OXGR1: variants seen among roughly 807,000 people sequenced by gnomAD.
OXGR1 encodes 2-oxoglutarate receptor 1.
Under a neutral mutation model 10.0 loss-of-function variants are expected in OXGR1, and 10 were observed. The observed-to-expected ratio is 1.00, with a 90% CI of 0.62 to 1.70. OXGR1 has a LOEUF of 1.70. Among genes scored for constraint, OXGR1 ranks in the 40% most tolerant of loss-of-function variants. The pLI, the probability that OXGR1 is intolerant of heterozygous loss-of-function variation, is 0.00. For synonymous variants in OXGR1, 191 were observed against 155.9 expected (o/e 1.22, Z -1.68); for missense variants, 398 against 407.6 (o/e 0.98, Z 0.20).
chr13:96,994,160 G>A (rs1215181665), intron 1 of OXGR1, 138 bp downstream of exon 1: 1 of 152,380 alleles, frequency 6.6e-6, no homozygotes, highest in Admixed American at 6.5e-5. Flanking sequence ...GTCCGACCCT[G>A]CCTGCTGCAG....
At chr13:96,990,131 C>G (rs1881980273) in intron 2 of OXGR1, among the ~76,000 whole-genome samples, 1 of 152,180 alleles carries the variant, frequency 6.6e-6, no homozygotes, top group Non-Finnish European at 1.5e-5. Flanking sequence ...TCAGGGACTG[C>G]TGACCAGTGA....
chr13:96,993,646 C>T (rs1180088343), intron 1 of OXGR1, among the ~76,000 whole-genome samples: 2 of 152,192 alleles, frequency 1.3e-5, no homozygotes, highest in Non-Finnish European at 2.9e-5. Flanking sequence ...AATACAACTT[C>T]TGAGAGCTCG....
In OXGR1 at chr13:96,987,000, A is replaced by C. The variant is rs1311781342; in HGVS notation, c.760T>G (p.Phe254Val). Residue 254 changes from phenylalanine to valine, a missense_variant, in exon 4 of 4, where the codon TTT becomes GTT. Phe to Val is a conservative substitution (Grantham distance 50). Transcript: ENST00000541038. ...ILLLLAFYVC[F>V]LPFHILRVIR... ...ACCCTCAAGATATGGAAGGGTAAAA[A>C]ACATACGTAAAATGCAAGGAGTAGC... is the stretch of plus-strand genomic sequence containing the variant. The C allele has an allele frequency of 1.2e-6, 2 of 1,614,202 alleles. No homozygotes were observed. Among genetic ancestry groups the C allele is most frequent in the Non-Finnish European group, 1.7e-6 (2 of 1,180,046 alleles).
chr13:96,990,910 C>T (rs923014970), intron 2 of OXGR1, among the ~76,000 whole-genome samples: 2 of 128,716 alleles, frequency 1.6e-5, no homozygotes, highest in African/African-American at 3.0e-5. Flanking sequence ...GATTGAGCCA[C>T]TGTACTACAG....
intron 2 of OXGR1, among the ~76,000 whole-genome samples, chr13:96,990,258 C>T (rs1357381536): frequency 6.6e-6 from 1 of 152,126 alleles, no homozygotes; most frequent in Non-Finnish European, 1.5e-5. Context: ...ATGGTCACAG[C>T]CAAGGAGTCC....
rs1460785813 is a variant in OXGR1 at position 96,987,195 on chromosome 13, A to T, written c.565T>A (p.Ser189Thr). 1 of 1,614,182 alleles carries T rather than the reference A, an allele frequency of 6.2e-7. No homozygotes were observed. Among genetic ancestry groups the T allele is most frequent in the Admixed American group, 1.7e-5 (1 of 60,018 alleles). ...NRSACLDLTS[S>T]DELNTIKWYN... ...CACTTAATAGTATTGAGTTCATCCGAACTGGTGAGGTCGAGACAGGCTGAT... is the reference window on the plus strand; with the variant it reads ...CACTTAATAGTATTGAGTTCATCCGTACTGGTGAGGTCGAGACAGGCTGAT... The change falls in exon 4 of 4, where the codon TCG becomes ACG. Residue 189 changes from serine (S) to threonine (T), a missense_variant. Physicochemically the swap from Ser to Thr is moderately conservative, Grantham distance 58 (BLOSUM62 1). Transcript: ENST00000541038.
rs1451607941 is a variant in OXGR1, at chr13:96,986,008, G to T, written c.*738C>A. 6.6e-6 allele frequency: 1 copy of T among 152,170 alleles called. No individual in the cohort carries two copies. Among genetic ancestry groups the T allele is most frequent in the Non-Finnish European group, 1.5e-5 (1 of 68,020 alleles). The allele number at this position is 152,170 out of a possible 1,614,324, so 9.4% of individuals were successfully genotyped here. A position where few individuals can be genotyped will look rare whatever the true frequency, so the allele number is the denominator to read the frequency against. ...CTGAAAGTGACTTCTGTCCTAGAAA[G>T]TTTCCCTTCCTTCCCCAGGACATGT... On this transcript the variant is annotated 3_prime_UTR_variant, in exon 4 of 4. Coordinates refer to ENST00000541038, the MANE Select transcript of OXGR1 (RefSeq NM_001346194.2).
chr13:96,994,072 C>T (rs1418259735), intron 1 of OXGR1, among the ~76,000 whole-genome samples: 1 of 152,176 alleles, frequency 6.6e-6, no homozygotes, highest in East Asian at 1.9e-4. Context: ...CTTTTTGTTC[C>T]CTAAAATGAA....
In OXGR1 at chr13:96,987,215, G is replaced by A. The variant is rs763743825; in HGVS notation, c.545C>T (p.Ala182Val). The change falls in exon 4 of 4, where the codon GCC becomes GTC. Residue 182 changes from alanine to valine, a missense_variant. Ala to Val is a moderately conservative substitution (Grantham distance 64). Coordinates refer to ENST00000541038, the MANE Select transcript of OXGR1 (RefSeq NM_001346194.2). ...ATCCGAACTGGTGAGGTCGAGACAG[G>A]CTGATCTGTTGGTCCTGTTGGTTGA... The part of the protein sequence containing the change: ...ITSTNRTNRS[A>V]CLDLTSSDEL... The A allele has an allele frequency of 2.5e-6, 4 of 1,614,184 alleles. No individual in the cohort carries two copies. In the Admixed American group the frequency reaches 5.0e-5, roughly 20 times the overall value.
At chr13:96,989,883 C>G (rs1881966572) in intron 2 of OXGR1, 74 bp from the exon 3 acceptor site, 1 of 152,174 alleles carries the variant, frequency 6.6e-6, no homozygotes, top group Non-Finnish European at 1.5e-5. Flanking sequence ...ATAAATCAAA[C>G]ACTGTAGAGT....
chr13:96,993,349 G>T (rs991067396), intron 1 of OXGR1, among the ~76,000 whole-genome samples: 6 of 152,058 alleles, frequency 3.9e-5, no homozygotes, highest in African/African-American at 1.4e-4. Flanking sequence ...CCTCGGAGTG[G>T]CTGGGATTAC....
intron 1 of OXGR1, among the ~76,000 whole-genome samples, chr13:96,993,370 C>T (rs974268331): frequency 3.9e-5 from 6 of 152,120 alleles, no homozygotes; most frequent in African/African-American, 7.2e-5. Flanking sequence ...AGGCCCGTTC[C>T]ACCACGTCTG....
At position 96,987,463 on chromosome 13, in the gene OXGR1, C is replaced by A. The variant is rs776046533; in HGVS notation, c.297G>T (p.Trp99Cys). 6.2e-7 allele frequency: 1 copy of A among 1,614,166 alleles called. No homozygotes were observed. Among genetic ancestry groups the A allele is most frequent in the South Asian group, 1.1e-5 (1 of 91,074 alleles). ...LIHYYASGENWIFGDFMCKFI... is the reference protein window; with the variant it reads ...LIHYYASGENCIFGDFMCKFI... ...ACTTACACATGAAATCTCCAAAGAT[C>A]CAGTTTTCGCCACTGGCATAGTAGT... is the stretch of plus-strand genomic sequence containing the variant. Residue 99 changes from tryptophan to cysteine, a missense_variant, in exon 4 of 4, where the codon TGG becomes TGT. Transcript: ENST00000541038.
In OXGR1 at chr13:96,987,317, C is replaced by A. The variant is rs773971892; in HGVS notation, c.443G>T (p.Arg148Leu). 1 of 1,614,062 alleles carries A rather than the reference C, an allele frequency of 6.2e-7. No individual in the cohort carries two copies. Among genetic ancestry groups the A allele is most frequent in the African/African-American group, 1.3e-5 (1 of 74,914 alleles). The change falls in exon 4 of 4, where the codon CGA (arginine) becomes CTA (leucine). Residue 148 changes from arginine to leucine, a missense_variant. Arg to Leu is a moderately radical substitution (Grantham distance 102, BLOSUM62 -2). Coordinates refer to ENST00000541038, the MANE Select transcript of OXGR1 (RefSeq NM_001346194.2). ...PMSCFSIHKT[R>L]CAVVACAVVW... ...CACAGCACAGGCTACAACTGCACAT[C>A]GAGTTTTGTGAATGGAAAAGCAGCT...
chr13:96,986,725 T>C lies in OXGR1; in HGVS notation c.*21A>G. The C allele has an allele frequency of 6.4e-7, 1 of 1,574,702 alleles. No individual in the cohort carries two copies. Among genetic ancestry groups the C allele is most frequent in the Non-Finnish European group, 8.6e-7 (1 of 1,164,090 alleles). The stretch of plus-strand genomic sequence containing the variant: ...TAAAGTATCAGCAAGTATTTGTTTT[T>C]GGTTAAGTAAATGAAATATTTCAAG... On this transcript the variant is annotated 3_prime_UTR_variant, in exon 4 of 4. Coordinates refer to ENST00000541038, the MANE Select transcript of OXGR1 (RefSeq NM_001346194.2).
At chr13:96,993,211 G>T (rs1193811360) in intron 1 of OXGR1, among the ~76,000 whole-genome samples, 2 of 152,038 alleles carry the variant, frequency 1.3e-5, no homozygotes, top group Non-Finnish European at 2.9e-5. Context: ...TTGTTTGTTT[G>T]TGTTATTATT....
Position 96,987,673 on chromosome 13 carries a change from G to A in OXGR1, c.87C>T (p.Ile29=). 1 of 1,614,112 alleles carries A rather than the reference G, an allele frequency of 6.2e-7. No homozygotes were observed. The highest frequency in any genetic ancestry group is 8.5e-7 in the Non-Finnish European group (1 of 1,179,998). ...CAGGGAGGTAGTGCATCTTGAGTGG[G>A]ATGTTTTCATCAGTGCAATTTCCAA... ...AAFGNCTDEN[I]PLKMHYLPVI... is the part of the protein sequence containing the mutation. Residue 29 remains isoleucine, a synonymous_variant, in exon 4 of 4, where the codon ATC becomes ATT. Transcript: ENST00000541038.
intron 2 of OXGR1, among the ~76,000 whole-genome samples, chr13:96,990,527 A>G (rs987564717): frequency 1.3e-5 from 2 of 152,216 alleles, no homozygotes; most frequent in Admixed American, 1.3e-4. Context: ...AGGGGCTGGC[A>G]CATGGAAGGT....
chr13:96,989,435 G>GA (rs1441180940), intron 3 of OXGR1, among the ~76,000 whole-genome samples: 11 of 152,164 alleles, frequency 7.2e-5, no homozygotes, highest in South Asian at 4.1e-4. Flanking sequence ...ATTGGGAGAT[G>GA]AAGTTGGGAA....
Sources: gnomAD v4.1 joint callset for allele counts (sites outside exome capture counted in the v4.1 genomes callset) on GRCh38, gnomAD v4.1.1 for gene constraint, MANE v1.5 for transcripts, NCBI Gene and HGNC (gene_info 2026-07-23, HGNC 2026-07-21) for gene names.